ARL5B: variants seen among roughly 807,000 people sequenced by gnomAD.
The protein encoded by ARL5B is ARF like GTPase 5B, also known as ADP-ribosylation factor-like protein 5B.
In ARL5B, 10 loss-of-function variants were observed where a neutral mutation model predicts 26.9. The ratio of observed to expected loss-of-function variants is 0.37; its 90% CI spans 0.23 to 0.63. The LOEUF (loss-of-function observed/expected upper bound fraction) is 0.63, where lower values mean the gene tolerates loss of function less well. Ranked by LOEUF, ARL5B falls within the 30% of genes least tolerant of loss-of-function variation. The pLI is 0.62. For missense variants in ARL5B, 167 were observed against 213.9 expected (o/e 0.78, Z 1.37); for synonymous variants, 87 against 70.4 (o/e 1.24, Z -1.18).
At chr10:18,660,195 G>C (rs934128890) in intron 1 of ARL5B, among the ~76,000 whole-genome samples, 3 of 152,060 alleles carry the variant, frequency 2.0e-5, no homozygotes, top group African/African-American at 7.2e-5. Context: ...TCAGATGCAC[G>C]AGTTTTCCAG....
In ARL5B at chr10:18,666,587, T is replaced by G; in HGVS notation, c.59T>G (p.Ile20Ser). 6.2e-7 allele frequency: 1 copy of G among 1,608,804 alleles called. No homozygotes were observed. The highest frequency in any genetic ancestry group is 1.3e-5 in the African/African-American group (1 of 74,904). ...SLFCNQEHKV[I>S]IVGLDNAGKT... ...TTTCTTTTTGTAGAACACAAAGTAA[T>G]TATAGTGGGACTGGATAATGCAGGG... is the stretch of plus-strand genomic sequence containing the variant. The change falls in exon 2 of 6, where the codon ATT becomes AGT. Residue 20 changes from isoleucine to serine, a missense_variant. Ile to Ser is a moderately radical substitution (Grantham distance 142). Coordinates refer to ENST00000377275, the MANE Select transcript of ARL5B (RefSeq NM_178815.5).
chr10:18,666,084 G>A (rs1269830002), intron 1 of ARL5B, among the ~76,000 whole-genome samples: 1 of 152,150 alleles, frequency 6.6e-6, no homozygotes, highest in Non-Finnish European at 1.5e-5. Context: ...CACATGAAAC[G>A]TTTCAATTTT....
intron 4 of ARL5B, 28 bp downstream of exon 4, chr10:18,672,733 A>T: frequency 6.6e-7 from 1 of 1,525,926 alleles, no homozygotes. Context: ...ATCTTTAAAA[A>T]ACAGTGTAGT....
intron 1 of ARL5B, among the ~76,000 whole-genome samples, chr10:18,664,328 C>T (rs1331582577): frequency 6.6e-6 from 1 of 151,630 alleles, no homozygotes; most frequent in Non-Finnish European, 1.5e-5. Context: ...TTTAACTGAT[C>T]ACTTCTCCTT....
Position 18,668,649 on chromosome 10 carries a change from C to T in ARL5B, c.227C>T (p.Ser76Phe). The T allele has an allele frequency of 1.9e-6, 3 of 1,614,048 alleles. No homozygotes were observed. The highest frequency in any genetic ancestry group is 1.1e-5 in the South Asian group (1 of 91,078). ...GGTGGTCAGGAGTCTCTGCGATCAT[C>T]CTGGAACACATATTACTCAAATACA... ...DIGGQESLRS[S>F]WNTYYSNTEF... is the part of the protein sequence containing the mutation. Residue 76 changes from serine (S) to phenylalanine (F), a missense_variant, in exon 3 of 6, where the codon TCC becomes TTC. Transcript: ENST00000377275.
In ARL5B at chr10:18,675,735, A is replaced by G. The variant is rs564413124; in HGVS notation, c.*519A>G. The G allele has an allele frequency of 1.3e-5, 2 of 153,036 alleles. No homozygotes were observed. Among genetic ancestry groups the G allele is most frequent in the South Asian group, 2.0e-4 (1 of 4,900 alleles). 9.5% of individuals were successfully genotyped at this position (153,036 alleles called of 1,614,324 possible). ...AAAGAAAGAAATCTGCCTAGAGGATATATGTAAGGAAGATTCCACATCATG... is the reference window on the plus strand; with the variant it reads ...AAAGAAAGAAATCTGCCTAGAGGATGTATGTAAGGAAGATTCCACATCATG... On this transcript the variant is annotated 3_prime_UTR_variant, in exon 6 of 6. Coordinates refer to ENST00000377275, the MANE Select transcript of ARL5B (RefSeq NM_178815.5).
chr10:18,668,165 A>G (rs751286687), intron 2 of ARL5B, among the ~76,000 whole-genome samples: 20 of 152,172 alleles, frequency 1.3e-4, no homozygotes, highest in Non-Finnish European at 2.1e-4. Flanking sequence ...CTATTTTGCA[A>G]TCACCTAGAA....
rs1021840830 is a variant in ARL5B at position 18,679,859 on chromosome 10, T to G, written c.*4643T>G. 4.9e-4 allele frequency: 74 copies of G among 152,124 alleles called. No individual in the cohort carries two copies. Among genetic ancestry groups the G allele is most frequent in the African/African-American group, 1.7e-3 (72 of 41,562 alleles). 9.4% of individuals were successfully genotyped at this position (152,124 alleles called of 1,614,324 possible). A position where few individuals can be genotyped will look rare whatever the true frequency, so the allele number is the denominator to read the frequency against. ...GAAAGCAGTGAATTTCTGCCTCTCC[T>G]CGTATTTAGGGTACTTAAAATTACT... On this transcript the variant is annotated 3_prime_UTR_variant, in exon 6 of 6. Transcript: ENST00000377275.
chr10:18,668,788 T>TTA, intron 3 of ARL5B, 111 bp downstream of exon 3: 1 of 955,368 alleles, frequency 1.0e-6, no homozygotes, highest in Non-Finnish European at 1.5e-6. Flanking sequence ...TTTTTTTTTT[T>TTA]AAGACGGAGT....
rs1019685187 is a variant in ARL5B at position 18,678,208 on chromosome 10, T to A, written c.*2992T>A. 6.6e-6 allele frequency: 1 copy of A among 151,746 alleles called. No individual in the cohort carries two copies. Among genetic ancestry groups the A allele is most frequent in the Non-Finnish European group, 1.5e-5 (1 of 67,744 alleles). 9.4% of individuals were successfully genotyped at this position (151,746 alleles called of 1,614,324 possible). On this transcript the variant is annotated 3_prime_UTR_variant, in exon 6 of 6. Coordinates refer to ENST00000377275, the MANE Select transcript of ARL5B (RefSeq NM_178815.5). Reference sequence around the variant, plus strand: ...AAAAGCTGAAGATTAAATATGTAATTTTTGCTTTTAGTTTCTTGTGTTAGT... The same window carrying A: ...AAAAGCTGAAGATTAAATATGTAATATTTGCTTTTAGTTTCTTGTGTTAGT...
chr10:18,670,526 G>T (rs182559797), intron 3 of ARL5B, among the ~76,000 whole-genome samples: 1 of 152,092 alleles, frequency 6.6e-6, no homozygotes, highest in African/African-American at 2.4e-5. Flanking sequence ...CATGAGAATC[G>T]CTTGAACCTG....
intron 1 of ARL5B, among the ~76,000 whole-genome samples, chr10:18,665,202 T>C (rs2059855928): frequency 6.6e-6 from 1 of 152,176 alleles, no homozygotes; most frequent in South Asian, 2.1e-4. Context: ...TAGCCAAGCT[T>C]GGTGGTGTGC....
rs2059917631 is a variant in ARL5B at position 18,678,025 on chromosome 10, G to A, written c.*2809G>A. On this transcript the variant is annotated 3_prime_UTR_variant, in exon 6 of 6. Coordinates refer to ENST00000377275, the MANE Select transcript of ARL5B (RefSeq NM_178815.5). Reference sequence around the variant, plus strand: ...CAGCATTTTTCTTAATTTTGAGCGTGTCATGTCCTTCATCTTTAAACCCAT... The same window carrying A: ...CAGCATTTTTCTTAATTTTGAGCGTATCATGTCCTTCATCTTTAAACCCAT... 6.6e-6 allele frequency: 1 copy of A among 151,718 alleles called. No homozygotes were observed. Among genetic ancestry groups the A allele is most frequent in the South Asian group, 2.1e-4 (1 of 4,822 alleles). 9.4% of individuals were successfully genotyped at this position (151,718 alleles called of 1,614,324 possible).
chr10:18,675,307 AT>A lies in ARL5B; in HGVS notation c.*94del. 1 of 1,266,172 alleles carries A rather than the reference AT, an allele frequency of 7.9e-7. No individual in the cohort carries two copies. Among genetic ancestry groups the A allele is most frequent in the Non-Finnish European group, 1.2e-6 (1 of 868,356 alleles). 78.4% of individuals were successfully genotyped at this position (1,266,172 alleles called of 1,614,324 possible). A position where few individuals can be genotyped will look rare whatever the true frequency, so the allele number is the denominator to read the frequency against. Reference sequence around the variant, plus strand: ...GGCTGCTAAGGCAGCAGCATGTTTAATTTATAACAACACAAACCTCTGAGAG... The same window carrying A: ...GGCTGCTAAGGCAGCAGCATGTTTAATTATAACAACACAAACCTCTGAGAG... On this transcript the variant is annotated 3_prime_UTR_variant, in exon 6 of 6. Transcript: ENST00000377275.
At chr10:18,674,871 C>T (rs777830849) in intron 5 of ARL5B, among the ~76,000 whole-genome samples, 2 of 152,046 alleles carry the variant, frequency 1.3e-5, no homozygotes, top group African/African-American at 2.4e-5. Flanking sequence ...TTTCTCCAGT[C>T]GTTAAGTTTC....
intron 2 of ARL5B, among the ~76,000 whole-genome samples, chr10:18,667,286 A>C (rs981165718): frequency 6.6e-6 from 1 of 152,080 alleles, no homozygotes; most frequent in African/African-American, 2.4e-5. Context: ...ACCTCTTCCC[A>C]CTCATGTTGC....
At position 18,668,765 on chromosome 10, in the gene ARL5B, G is replaced by A. The variant is rs569189280; in HGVS notation, c.255+88G>A. On this transcript the variant is annotated intron_variant, in intron 3 of 5. Coordinates refer to ENST00000377275, the MANE Select transcript of ARL5B (RefSeq NM_178815.5). ...TAGGCTGCACCTGGGCGTATTGACA[G>A]TTGCCTTTTTTTTTTTTTTTTTTAA... 88 of 1,194,242 alleles carry A rather than the reference G, an allele frequency of 7.4e-5. No homozygotes were observed. In the African/African-American group the frequency reaches 1.1e-3, roughly 15 times the overall value. 74.0% of individuals were successfully genotyped at this position (1,194,242 alleles called of 1,614,324 possible). A position where few individuals can be genotyped will look rare whatever the true frequency, so the allele number is the denominator to read the frequency against.
chr10:18,665,542 CTGA>C (rs1299290396), intron 1 of ARL5B, among the ~76,000 whole-genome samples: 3 of 151,926 alleles, frequency 2.0e-5, no homozygotes, highest in African/African-American at 7.3e-5. Flanking sequence ...CTTTTTTTGG[CTGA>C]TGAAGTTTAG....
chr10:18,669,326 T>A (rs910238625), intron 3 of ARL5B, among the ~76,000 whole-genome samples: 2 of 152,110 alleles, frequency 1.3e-5, no homozygotes, highest in Non-Finnish European at 2.9e-5. Flanking sequence ...TTCCCCAAGA[T>A]CTCACAACTT....
Sources: allele counts gnomAD v4.1 joint callset (sites outside exome capture counted in the v4.1 genomes callset), GRCh38; gene constraint gnomAD v4.1.1; transcripts MANE v1.5; gene names NCBI Gene and HGNC (gene_info 2026-07-23, HGNC 2026-07-21).